The following RHOD variants were observed in gnomAD, a reference collection of about 807,000 sequenced individuals.
RHOD encodes rho-related GTP-binding protein RhoD.
A neutral mutation model predicts 16.7 loss-of-function variants in RHOD; 11 were observed. The ratio of observed to expected loss-of-function variants is 0.66; its 90% confidence interval spans 0.41 to 1.09. The LOEUF is 1.09. RHOD is among the 50% of genes least tolerant of loss of function. The pLI is 0.00. For missense variants in RHOD, 271 were observed against 291.7 expected, an observed-to-expected ratio of 0.93 and a Z score of 0.52; for synonymous variants, 124 against 126.3, an observed-to-expected ratio of 0.98 and a Z score of 0.12.
intron 2 of RHOD, 66 bp from the exon 3 acceptor site, chr11:67,066,672 G>C: frequency 1.9e-6 from 2 of 1,036,990 alleles, no homozygotes; most frequent in Non-Finnish European, 3.0e-6. Context: ...GTGACCTCCT[G>C]ACATTGGGGC....
At position 67,056,865 on chromosome 11, in the gene RHOD, G is replaced by T. The variant is rs1392903309; in HGVS notation, c.-38G>T. ...CCCGCGCAGTCTGGGTCTCTGCGCC[G>T]CAGCCGCCCGCCCGCCCGCTCAGCG... is the stretch of plus-strand genomic sequence containing the variant. On this transcript the variant is annotated 5_prime_UTR_variant, in exon 1 of 5. Coordinates refer to ENST00000308831, the MANE Select transcript of RHOD (RefSeq NM_014578.4). 4.4e-6 allele frequency: 6 copies of T among 1,354,906 alleles called. No homozygotes were observed. In the Admixed American group the frequency reaches 1.2e-4, roughly 28 times the overall value. The allele number at this position is 1,354,906 out of a possible 1,614,324, so 83.9% of individuals were successfully genotyped here.
chr11:67,057,376 C>G (rs1854826134), intron 1 of RHOD, among the ~76,000 whole-genome samples: 1 of 152,226 alleles, frequency 6.6e-6, no homozygotes, highest in Non-Finnish European at 1.5e-5. Flanking sequence ...CAAATTATGG[C>G]TTTGCCTCTT....
At position 67,071,768 on chromosome 11, in the gene RHOD, G is replaced by A; in HGVS notation, c.*166G>A. 1.5e-6 allele frequency: 1 copy of A among 682,444 alleles called. No homozygotes were observed. 42.3% of individuals were successfully genotyped at this position (682,444 alleles called of 1,614,324 possible). A position where few individuals can be genotyped will look rare whatever the true frequency, so the allele number is the denominator to read the frequency against. ...GCCTGGGAGTCCTGGACTGAGAAAG[G>A]GGGTTCCTGGGCCCACCTGCTCTGT... On this transcript the variant is annotated 3_prime_UTR_variant, in exon 5 of 5. Transcript: ENST00000308831.
chr11:67,065,111 T>C (rs1387924720), intron 1 of RHOD, among the ~76,000 whole-genome samples: 7 of 151,652 alleles, frequency 4.6e-5, no homozygotes, highest in South Asian at 2.1e-4. Context: ...AGTCTCACTG[T>C]GTCACCCAGA....
chr11:67,058,034 A>T (rs1353564867), intron 1 of RHOD, among the ~76,000 whole-genome samples: 1 of 151,842 alleles, frequency 6.6e-6, no homozygotes, highest in African/African-American at 2.4e-5. Context: ...TCACTCTGTC[A>T]CCCAGGCTGG....
At position 67,066,847 on chromosome 11, in the gene RHOD, G is replaced by A; in HGVS notation, c.330G>A (p.Arg110=). 1 of 1,603,190 alleles carries A rather than the reference G, an allele frequency of 6.2e-7. No individual in the cohort carries two copies. Among genetic ancestry groups the A allele is most frequent in the Non-Finnish European group, 8.5e-7 (1 of 1,170,152 alleles). ...SPNSFDNIFN[R]WYPEVNHFCK... Reference sequence around the variant, plus strand: ...ACAGCTTTGACAACATCTTTAACCGGGTAGGTACTGGGGGGCAGGGAGGCA... The same window carrying A: ...ACAGCTTTGACAACATCTTTAACCGAGTAGGTACTGGGGGGCAGGGAGGCA... The change falls in exon 3 of 5, where the codon CGG becomes CGA. Residue 110 remains arginine, a splice_region_variant and synonymous_variant. Transcript: ENST00000308831.
intron 3 of RHOD, among the ~76,000 whole-genome samples, chr11:67,067,734 C>T (rs142380900): frequency 1.6e-3 from 251 of 152,140 alleles, no homozygotes; most frequent in Middle Eastern, 3.4e-3. Flanking sequence ...GTCTAGAAGG[C>T]GGAGTTTGCT....
chr11:67,066,396 G>A (rs1452340729), intron 2 of RHOD, among the ~76,000 whole-genome samples: 1 of 152,244 alleles, frequency 6.6e-6, no homozygotes, highest in South Asian at 2.1e-4. Flanking sequence ...GGGCTAAGAT[G>A]TCTTTGCCAG....
chr11:67,063,325 T>C (rs1287826890), intron 1 of RHOD, among the ~76,000 whole-genome samples: 4 of 151,590 alleles, frequency 2.6e-5, no homozygotes, highest in Non-Finnish European at 5.9e-5. Context: ...ACCCTGTCTC[T>C]ACGAAAAAAG....
chr11:67,058,341 A>G (rs910052304), intron 1 of RHOD, among the ~76,000 whole-genome samples: 7 of 151,962 alleles, frequency 4.6e-5, no homozygotes, highest in African/African-American at 1.7e-4. Context: ...GTGCCCAGCT[A>G]ATTTTTGTAT....
intron 1 of RHOD, among the ~76,000 whole-genome samples, chr11:67,059,554 A>G (rs756390381): frequency 2.0e-4 from 29 of 148,308 alleles, no homozygotes; most frequent in Non-Finnish European, 3.4e-4. Flanking sequence ...CAAAATATAT[A>G]TAAATATATA....
At chr11:67,065,560 G>A (rs953445198) in intron 1 of RHOD, among the ~76,000 whole-genome samples, 4 of 151,834 alleles carry the variant, frequency 2.6e-5, no homozygotes, top group East Asian at 1.9e-4. Flanking sequence ...TAGTAGAGAC[G>A]GTTTCACCAT....
At chr11:67,062,633 C>T (rs1053215451) in intron 1 of RHOD, among the ~76,000 whole-genome samples, 22 of 152,216 alleles carry the variant, frequency 1.4e-4, no homozygotes, top group Non-Finnish European at 2.2e-4. Context: ...CTGCAGCTTC[C>T]CTGGAGGACG....
Position 67,066,851 on chromosome 11 carries a change from G to A in RHOD, c.330+4G>A. 1.3e-6 allele frequency: 2 copies of A among 1,595,854 alleles called. No homozygotes were observed. The highest frequency in any genetic ancestry group is 1.3e-5 in the African/African-American group (1 of 74,696). ...CTTTGACAACATCTTTAACCGGGTA[G>A]GTACTGGGGGGCAGGGAGGCATAGC... On this transcript the variant is annotated splice_donor_region_variant and intron_variant, in intron 3 of 4. Transcript: ENST00000308831.
chr11:67,063,508 T>TAAAAAAA lies in RHOD; in HGVS notation c.133-2387_133-2381dup, dbSNP rs58807370. ...ACCCTATCTTTTTTTTTTTTTTTTTTAAAAAAAGGCCAGGCGTGGTGGCTC... is the reference window on the plus strand; with the variant it reads ...ACCCTATCTTTTTTTTTTTTTTTTTTAAAAAAAAAAAAAAGGCCAGGCGTGGTGGCTC... On this transcript the variant is annotated intron_variant, in intron 1 of 4. Coordinates refer to ENST00000308831, the MANE Select transcript of RHOD (RefSeq NM_014578.4). Among the ~76,000 whole-genome samples, 589 of 131,596 alleles carry TAAAAAAA rather than the reference T, an allele frequency of 4.5e-3. 7 individuals are homozygous for TAAAAAAA. The highest frequency in any genetic ancestry group is 0.015 in the African/African-American group (523 of 33,766). 86.3% of individuals were successfully genotyped at this position (131,596 alleles called of 152,430 possible).
At chr11:67,057,451 G>A (rs952585603) in intron 1 of RHOD, among the ~76,000 whole-genome samples, 2 of 152,240 alleles carry the variant, frequency 1.3e-5, no homozygotes, top group Admixed American at 6.5e-5. Context: ...CTACATCACA[G>A]GTGAGTGACA....
chr11:67,060,481 G>A (rs986877732), intron 1 of RHOD, among the ~76,000 whole-genome samples: 1 of 152,192 alleles, frequency 6.6e-6, no homozygotes. Flanking sequence ...CGTCCCGAGT[G>A]GGGGAAAGGG....
intron 1 of RHOD, among the ~76,000 whole-genome samples, chr11:67,065,005 T>G (rs1854939948): frequency 6.6e-6 from 1 of 152,024 alleles, no homozygotes; most frequent in Non-Finnish European, 1.5e-5. Flanking sequence ...GTGCTTATTT[T>G]ATGCCAGGCC....
chr11:67,063,699 T>G (rs1316900298), intron 1 of RHOD, among the ~76,000 whole-genome samples: 1 of 146,568 alleles, frequency 6.8e-6, no homozygotes. Context: ...CTCACAAGGC[T>G]GAGGCAGAAG....
Sources: gnomAD v4.1 joint callset for allele counts (sites outside exome capture counted in the v4.1 genomes callset) on GRCh38, gnomAD v4.1.1 for gene constraint, MANE v1.5 for transcripts, NCBI Gene and HGNC (gene_info 2026-07-23, HGNC 2026-07-21) for gene names.